The following NRXN1 variants were observed in gnomAD, a reference collection of about 807,000 sequenced individuals.
NRXN1 encodes the protein neurexin-1.
In NRXN1, 39 loss-of-function variants were observed where a neutral mutation model predicts 150.9. That is an observed-to-expected ratio of 0.26 (90% CI 0.20 to 0.34). The LOEUF (loss-of-function observed/expected upper bound fraction) is 0.34. NRXN1 is among the 10% of genes least tolerant of loss of function. The pLI is 1.00. For synonymous variants in NRXN1, 924 were observed against 757.0 expected (o/e 1.22, Z -3.62); for missense variants, 1,815 against 1,949.9 (o/e 0.93, Z 1.30).
chr2:50,953,151 G>A (rs1180680065), intron 2 of NRXN1, among the ~76,000 whole-genome samples: 1 of 152,148 alleles, frequency 6.6e-6, no homozygotes, highest in East Asian at 1.9e-4. Context: ...TTGCACAATA[G>A]GATGAGTATA....
At chr2:50,279,413 G>A (rs1558439986) in intron 17 of NRXN1, among the ~76,000 whole-genome samples, 1 of 152,086 alleles carries the variant, frequency 6.6e-6, no homozygotes, top group African/African-American at 2.4e-5. Flanking sequence ...TTGACATGAG[G>A]AAAAAATGTT....
chr2:50,862,416 C>T (rs1451729229), intron 5 of NRXN1, among the ~76,000 whole-genome samples: 1 of 151,988 alleles, frequency 6.6e-6, no homozygotes, highest in Non-Finnish European at 1.5e-5. Flanking sequence ...TCTCTTCAGA[C>T]CCACCCTTAG....
chr2:50,155,265 G>T (rs192363238), intron 18 of NRXN1, among the ~76,000 whole-genome samples: 4 of 151,490 alleles, frequency 2.6e-5, no homozygotes, highest in Non-Finnish European at 5.9e-5. Flanking sequence ...AAGTATTCAG[G>T]GAAAATATCT....
At chr2:50,160,546 A>C (rs1361028174) in intron 18 of NRXN1, among the ~76,000 whole-genome samples, 2 of 152,148 alleles carry the variant, frequency 1.3e-5, no homozygotes, top group Non-Finnish European at 2.9e-5. Context: ...CGTCTCCAAA[A>C]AAAAAAATGG....
At chr2:50,852,292 T>C (rs1317859334) in intron 5 of NRXN1, among the ~76,000 whole-genome samples, 3 of 152,070 alleles carry the variant, frequency 2.0e-5, no homozygotes, top group African/African-American at 7.2e-5. Context: ...CTTTCCCCTA[T>C]CAGGCAAAAA....
chr2:50,727,524 A>G (rs1330465046), intron 5 of NRXN1, among the ~76,000 whole-genome samples: 1 of 152,112 alleles, frequency 6.6e-6, no homozygotes, highest in Non-Finnish European at 1.5e-5. Context: ...AAAAACTATC[A>G]AAAAATAGAT....
intron 17 of NRXN1, among the ~76,000 whole-genome samples, chr2:50,294,753 A>C (rs368258796): frequency 2.0e-5 from 3 of 152,314 alleles, no homozygotes; most frequent in African/African-American, 7.2e-5. Flanking sequence ...AAATATCAGA[A>C]CTTGCTGGCC....
chr2:50,730,520 T>C (rs1697955924), intron 5 of NRXN1, among the ~76,000 whole-genome samples: 1 of 152,134 alleles, frequency 6.6e-6, no homozygotes, highest in Non-Finnish European at 1.5e-5. Flanking sequence ...ACCTGCTTGT[T>C]GACTAGTGCA....
intron 2 of NRXN1, among the ~76,000 whole-genome samples, chr2:51,018,405 T>C (rs1479402080): frequency 6.6e-6 from 1 of 152,058 alleles, no homozygotes; most frequent in Non-Finnish European, 1.5e-5. Context: ...AGAGGCCAGG[T>C]CAGCACTTTG....
intron 8 of NRXN1, among the ~76,000 whole-genome samples, chr2:50,603,874 C>A (rs745580090): frequency 2.0e-5 from 3 of 152,180 alleles, no homozygotes; most frequent in Non-Finnish European, 2.9e-5. Flanking sequence ...CGATTAAAGA[C>A]TGCATCTCAT....
intron 17 of NRXN1, among the ~76,000 whole-genome samples, chr2:50,309,649 A>G (rs905264077): frequency 3.9e-5 from 6 of 152,142 alleles, no homozygotes; most frequent in Non-Finnish European, 8.8e-5. Context: ...TATCACCCAG[A>G]AAAGGAAGAG....
chr2:50,941,293 G>A (rs969334689), intron 2 of NRXN1, among the ~76,000 whole-genome samples: 5 of 152,120 alleles, frequency 3.3e-5, no homozygotes, highest in African/African-American at 1.2e-4. Context: ...CAGAAAATTG[G>A]TACCAGGAGT....
chr2:50,538,713 G>T (rs1271431612), intron 9 of NRXN1, 77 bp from the exon 10 acceptor site: 4 of 1,227,250 alleles, frequency 3.3e-6, no homozygotes, highest in Non-Finnish European at 4.3e-6. Context: ...TCTTTCGTCT[G>T]CTTGATGGTT....
At chr2:50,277,169 T>A (rs954876096) in intron 17 of NRXN1, among the ~76,000 whole-genome samples, 1 of 152,200 alleles carries the variant, frequency 6.6e-6, no homozygotes, top group Non-Finnish European at 1.5e-5. Context: ...AAGCCTAACA[T>A]TTGTATTTAG....
At chr2:50,780,760 C>T (rs1389756884) in intron 5 of NRXN1, among the ~76,000 whole-genome samples, 2 of 151,918 alleles carry the variant, frequency 1.3e-5, no homozygotes, top group African/African-American at 4.8e-5. Flanking sequence ...TGTTTATTAA[C>T]CACTTTTTTA....
chr2:50,040,794 A>G (rs1690818214), intron 21 of NRXN1, among the ~76,000 whole-genome samples: 1 of 152,226 alleles, frequency 6.6e-6, no homozygotes, highest in Admixed American at 6.5e-5. Context: ...AAAGGAAGGT[A>G]TAACTGGTAT....
chr2:50,132,938 C>A (rs977603326), intron 18 of NRXN1, among the ~76,000 whole-genome samples: 3 of 149,908 alleles, frequency 2.0e-5, no homozygotes, highest in African/African-American at 7.4e-5. Flanking sequence ...AGACATCTTC[C>A]TTTTATACCC....
chr2:50,245,676 G>T (rs2066431348), intron 17 of NRXN1, among the ~76,000 whole-genome samples: 1 of 151,738 alleles, frequency 6.6e-6, no homozygotes, highest in Non-Finnish European at 1.5e-5. Context: ...AAGGTTAATT[G>T]TGAAAATGGC....
chr2:50,019,947 C>CAAAAAAAAAAAAAAAA (rs1161865745), intron 21 of NRXN1, among the ~76,000 whole-genome samples: 10 of 43,352 alleles, frequency 2.3e-4, no homozygotes, highest in East Asian at 1.9e-3. Context: ...GACTCCGTCT[C>CAAAAAAAAAAAAAAAA]AAAAAAAAAA....
Sources: allele counts gnomAD v4.1 joint callset (sites outside exome capture counted in the v4.1 genomes callset), GRCh38; gene constraint gnomAD v4.1.1; transcripts MANE v1.5; gene names NCBI Gene and HGNC (gene_info 2026-07-23, HGNC 2026-07-21).